The following FRMD5 variants were observed in gnomAD, a reference collection of about 807,000 sequenced individuals.
FRMD5 encodes the protein FERM domain containing 5, also known as FERM domain-containing protein 5.
In FRMD5, 20 loss-of-function variants were observed where a neutral mutation model predicts 69.0. That is an observed-to-expected ratio of 0.29 (90% confidence interval 0.20 to 0.42). FRMD5 has a LOEUF of 0.42. Ranked by LOEUF, FRMD5 falls within the 10% of genes least tolerant of loss-of-function variation. FRMD5 has a pLI of 1.00. For missense variants in FRMD5, 595 were observed against 708.6 expected (o/e 0.84, Z 1.82); for synonymous variants, 271 against 260.1 (o/e 1.04, Z -0.40).
intron 1 of FRMD5, among the ~76,000 whole-genome samples, chr15:44,020,266 T>C (rs1280045281): frequency 1.3e-5 from 2 of 152,154 alleles, no homozygotes; most frequent in African/African-American, 4.8e-5. Context: ...ATGCTGCTTG[T>C]TCATAAAGTG....
intron 5 of FRMD5, among the ~76,000 whole-genome samples, chr15:43,907,214 T>C (rs978629166): frequency 6.6e-6 from 1 of 152,046 alleles, no homozygotes; most frequent in African/African-American, 2.4e-5. Flanking sequence ...GGAGGAGAAA[T>C]ATTAAGAGGA....
At chr15:44,194,485 G>A in intron 1 of FRMD5, 2 of 219,900 alleles carry the variant, frequency 9.1e-6, no homozygotes, top group South Asian at 5.4e-5. Context: ...GTGGGGGGAG[G>A]AATTATGACA....
rs865777269 is a variant in FRMD5, at chr15:44,057,708, C to T, written c.103-133399G>A. On this transcript the variant is annotated intron_variant, in intron 1 of 13. Coordinates refer to ENST00000417257, the MANE Select transcript of FRMD5 (RefSeq NM_032892.5). ...AAGTAAAGAACCTTGGATTAGGAAT[C>T]GACACACATTAGTTCTAATTTTGCT... is the stretch of plus-strand genomic sequence containing the variant. 2.0e-5 allele frequency among the ~76,000 whole-genome samples: 3 copies of T among 152,154 alleles called. No individual in the cohort carries two copies. In the East Asian group the frequency reaches 5.8e-4, roughly 29 times the overall value.
At chr15:43,974,537 T>C (rs2090435384) in intron 1 of FRMD5, among the ~76,000 whole-genome samples, 2 of 152,204 alleles carry the variant, frequency 1.3e-5, no homozygotes, top group Admixed American at 6.5e-5. Context: ...GCATTGGAGT[T>C]AGTTAACTCC....
intron 1 of FRMD5, among the ~76,000 whole-genome samples, chr15:43,991,096 A>G (rs1317126336): frequency 6.6e-6 from 1 of 152,254 alleles, no homozygotes; most frequent in East Asian, 1.9e-4. Flanking sequence ...TTTTGAAAAC[A>G]GGCAAGGGAA....
intron 1 of FRMD5, among the ~76,000 whole-genome samples, chr15:44,128,416 G>A (rs2077053146): frequency 6.6e-6 from 1 of 152,214 alleles, no homozygotes; most frequent in African/African-American, 2.4e-5. Context: ...GGCAGAGGTT[G>A]CAGTGAGTCG....
At chr15:43,939,758 A>C (rs746900370) in intron 1 of FRMD5, among the ~76,000 whole-genome samples, 23 of 152,104 alleles carry the variant, frequency 1.5e-4, no homozygotes, top group Non-Finnish European at 2.8e-4. Context: ...ACGGGTTTTC[A>C]GCATGTTGCC....
intron 1 of FRMD5, among the ~76,000 whole-genome samples, chr15:44,055,213 T>C (rs1335217618): frequency 2.0e-5 from 3 of 152,092 alleles, no homozygotes; most frequent in African/African-American, 7.2e-5. Flanking sequence ...GGTGGGTAGC[T>C]GGGGTGGAAG....
intron 1 of FRMD5, among the ~76,000 whole-genome samples, chr15:44,038,350 C>G (rs1480015936): frequency 6.6e-6 from 1 of 151,976 alleles, no homozygotes; most frequent in African/African-American, 2.4e-5. Context: ...GTGTTTTAGT[C>G]ATGAACTCTT....
intron 1 of FRMD5, among the ~76,000 whole-genome samples, chr15:44,062,689 C>A (rs79727300): frequency 7.9e-3 from 926 of 117,866 alleles, no homozygotes; most frequent in Middle Eastern, 0.017. Flanking sequence ...GACTCTGTCT[C>A]AAAAAAAAAA....
At chr15:43,925,542 T>C (rs775536712) in intron 1 of FRMD5, among the ~76,000 whole-genome samples, 2 of 152,254 alleles carry the variant, frequency 1.3e-5, no homozygotes, top group Non-Finnish European at 2.9e-5. Context: ...CATTTGTTTC[T>C]AATTTGCTAT....
chr15:44,020,275 T>C (rs1310090061), intron 1 of FRMD5, among the ~76,000 whole-genome samples: 1 of 152,182 alleles, frequency 6.6e-6, no homozygotes, highest in Non-Finnish European at 1.5e-5. Flanking sequence ...GTTCATAAAG[T>C]GGTTTCAGCT....
intron 1 of FRMD5, among the ~76,000 whole-genome samples, chr15:44,029,889 T>C (rs1378842468): frequency 1.3e-5 from 2 of 152,234 alleles, no homozygotes; most frequent in Non-Finnish European, 2.9e-5. Flanking sequence ...AAGAACATCA[T>C]CAGTAAACAC....
At position 43,902,192 on chromosome 15, in the gene FRMD5, C is replaced by A; in HGVS notation, c.622G>T (p.Asp208Tyr). The change falls in exon 7 of 14, where the codon GAT becomes TAT. Residue 208 changes from aspartate (D) to tyrosine (Y), a missense_variant. This residue lies in a region of FRMD5 where 176 missense variants were observed against 266.3 expected (regional missense o/e 0.66). Transcript: ENST00000417257. ...GGTCTTACCTTACATGGGTGAGGAT[C>A]CACTCCATATGTTTCCAATGTCTGT... ...KAQTLETYGV[D>Y]PHPCKDVSGN... 1.2e-6 allele frequency: 2 copies of A among 1,613,858 alleles called. No homozygotes were observed. The highest frequency in any genetic ancestry group is 1.7e-6 in the Non-Finnish European group (2 of 1,179,784).
chr15:43,879,593 T>G (rs2140344055), intron 13 of FRMD5: 2 of 398,928 alleles, frequency 5.0e-6, no homozygotes, highest in South Asian at 2.5e-4. Flanking sequence ...TGCGCACACT[T>G]AGGGGCCGAA....
chr15:43,929,524 C>A (rs953343950), intron 1 of FRMD5, among the ~76,000 whole-genome samples: 41 of 152,192 alleles, frequency 2.7e-4, no homozygotes, highest in African/African-American at 9.6e-4. Context: ...TTCCTCCTGG[C>A]TACATGCTAT....
At chr15:43,878,922 T>A (rs1004893125) in intron 13 of FRMD5, among the ~76,000 whole-genome samples, 1 of 149,946 alleles carries the variant, frequency 6.7e-6, no homozygotes, top group Non-Finnish European at 1.5e-5. Context: ...TTTCTTTTTT[T>A]TTTTCTTTTC....
intron 1 of FRMD5, among the ~76,000 whole-genome samples, chr15:44,143,443 G>A (rs2077303168): frequency 6.6e-6 from 1 of 151,638 alleles, no homozygotes; most frequent in African/African-American, 2.4e-5. Flanking sequence ...AAGGAGATGG[G>A]CATATAGCCA....
intron 1 of FRMD5, chr15:43,988,973 A>C (rs1889532892): frequency 1.5e-6 from 1 of 663,154 alleles, no homozygotes; most frequent in South Asian, 1.4e-5. Flanking sequence ...CAAAATAAAA[A>C]AAACAAAGTC....
Sources: gnomAD v4.1 joint callset for allele counts (sites outside exome capture counted in the v4.1 genomes callset) on GRCh38, gnomAD v4.1.1 for gene constraint, gnomAD v4.1.1 regional missense constraint, MANE v1.5 for transcripts, NCBI Gene and HGNC (gene_info 2026-07-23, HGNC 2026-07-21) for gene names.